Variants in INSRR observed in about 807,000 individuals in gnomAD.
INSRR encodes the protein insulin receptor related receptor, also known as insulin receptor-related protein.
In INSRR, 114 loss-of-function variants were observed where a neutral mutation model predicts 130.0. The observed-to-expected ratio is 0.88, with a 90% confidence interval of 0.75 to 1.02. The LOEUF (loss-of-function observed/expected upper bound fraction) is 1.02, where lower values mean the gene tolerates loss of function less well. Among genes scored for constraint, INSRR ranks in the 50% least tolerant of loss-of-function variants. INSRR has a pLI of 0.00. For missense variants in INSRR, 1,657 were observed against 1,735.2 expected, an observed-to-expected ratio of 0.95 and a Z score of 0.80; for synonymous variants, 674 against 705.2, an observed-to-expected ratio of 0.96 and a Z score of 0.70.
chr1:156,850,759 G>A (rs914558071), intron 5 of INSRR, among the ~76,000 whole-genome samples: 6 of 151,392 alleles, frequency 4.0e-5, no homozygotes, highest in South Asian at 2.1e-4. Flanking sequence ...GTTTCACCAC[G>A]TTGGCCAGGC....
In INSRR at chr1:156,853,747, C is replaced by T; in HGVS notation, c.637+5G>A. The T allele has an allele frequency of 6.3e-7, 1 of 1,592,456 alleles. No individual in the cohort carries two copies. Among genetic ancestry groups the T allele is most frequent in the Non-Finnish European group, 8.6e-7 (1 of 1,164,404 alleles). ...CCTACATTCATGTTCTGTGCCAGTG[C>T]CCACCTCTCTGGCAGTGGCTGGAGG... On this transcript the variant is annotated splice_donor_5th_base_variant and intron_variant, in intron 2 of 21. Coordinates refer to ENST00000368195, the MANE Select transcript of INSRR (RefSeq NM_014215.3).
intron 4 of INSRR, 75 bp downstream of exon 4, chr1:156,851,571 G>A (rs1325012989): frequency 6.2e-7 from 1 of 1,610,422 alleles, no homozygotes; most frequent in Non-Finnish European, 8.5e-7. Context: ...TGCTGAGTTG[G>A]GTCATTGTAA....
chr1:156,853,173 T>G lies in INSRR; in HGVS notation c.637+579A>C, dbSNP rs552646555. ...TCAGTTCTTCATTGATCATCTCCTT[T>G]CTTCTCCTGCTCACCCCCAACCTCA... On this transcript the variant is annotated intron_variant, in intron 2 of 21. Transcript: ENST00000368195. Among the ~76,000 whole-genome samples the G allele has an allele frequency of 2.0e-5, 3 of 152,270 alleles. No individual in the cohort carries two copies. In the South Asian group the frequency reaches 6.2e-4, roughly 32 times the overall value.
chr1:156,845,061 G>A lies in INSRR; in HGVS notation c.2437+15C>T, dbSNP rs1024732408. The A allele has an allele frequency of 6.3e-7, 1 of 1,596,392 alleles. No individual in the cohort carries two copies. Among genetic ancestry groups the A allele is most frequent in the African/African-American group, 1.3e-5 (1 of 74,780 alleles). The stretch of plus-strand genomic sequence containing the variant: ...TCGGTGATGGGGGTAGAAGGTGTGT[G>A]TGTGGATCACCTACTGTGGGGCATG... On this transcript the variant is annotated intron_variant, in intron 12 of 21. Transcript: ENST00000368195.
intron 12 of INSRR, 31 bp from the exon 13 acceptor site, chr1:156,844,874 A>C: frequency 6.2e-7 from 1 of 1,612,584 alleles, no homozygotes; most frequent in Non-Finnish European, 8.5e-7. Context: ...CAGCCGGGCC[A>C]AAAGTGGTTC....
chr1:156,849,034 G>A lies in INSRR; in HGVS notation c.1458C>T (p.Thr486=). The change falls in exon 7 of 22, where the codon ACC becomes ACT. Residue 486 remains threonine, a synonymous_variant. Transcript: ENST00000368195. The stretch of plus-strand genomic sequence containing the variant: ...CCGTCACGTTGGACACGAAGCGCAG[G>A]GTGCGAGTCTGGCCTGGGTGGGGCG... ...NGDRAACQTR[T]LRFVSNVTEA... is the part of the protein sequence containing the mutation. 1 of 1,613,378 alleles carries A rather than the reference G, an allele frequency of 6.2e-7. No individual in the cohort carries two copies. The highest frequency in any genetic ancestry group is 8.5e-7 in the Non-Finnish European group (1 of 1,179,898).
In INSRR at chr1:156,852,048, C is replaced by A; in HGVS notation, c.781G>T (p.Ala261Ser). Residue 261 changes from alanine to serine, a missense_variant, in exon 3 of 22, where the codon GCC (alanine) becomes TCC (serine). Ala to Ser is a moderately conservative substitution (Grantham distance 99). Transcript: ENST00000368195. ...HLYFQGACLW[A>S]CPPGTYQYES... The stretch of plus-strand genomic sequence containing the variant: ...TACTGGTAGGTGCCTGGCGGGCAGG[C>A]CCACAGGCAGGCACCCTGGAAGTAG... 6.2e-7 allele frequency: 1 copy of A among 1,613,516 alleles called. No homozygotes were observed.
chr1:156,848,389 T>C (rs1655084412), intron 7 of INSRR, among the ~76,000 whole-genome samples: 1 of 152,180 alleles, frequency 6.6e-6, no homozygotes, highest in Non-Finnish European at 1.5e-5. Context: ...ATATCTCCTT[T>C]TGATTCCTAA....
chr1:156,849,115 C>T, intron 6 of INSRR, 68 bp from the exon 7 acceptor site: 1 of 1,596,838 alleles, frequency 6.3e-7, no homozygotes, highest in East Asian at 2.2e-5. Flanking sequence ...CCTGACCCCG[C>T]GGCATCCCAT....
At chr1:156,857,633 C>A (rs1251391962) in intron 1 of INSRR, among the ~76,000 whole-genome samples, 1 of 152,136 alleles carries the variant, frequency 6.6e-6, no homozygotes, top group Non-Finnish European at 1.5e-5. Context: ...GACTAGCACC[C>A]TTTAGGGGAC....
rs948495329 is a variant in INSRR at position 156,851,407 on chromosome 1, C to A, written c.1112G>T (p.Ser371Ile). 2 of 1,614,102 alleles carry A rather than the reference C, an allele frequency of 1.2e-6. No individual in the cohort carries two copies. Among genetic ancestry groups the A allele is most frequent in the Admixed American group, 3.3e-5 (2 of 60,026 alleles). Residue 371 changes from serine to isoleucine, a missense_variant, in exon 5 of 22, where the codon AGC becomes ATC. Ser to Ile is a moderately radical substitution (Grantham distance 142). Coordinates refer to ENST00000368195, the MANE Select transcript of INSRR (RefSeq NM_014215.3). ...AGTAATGGTTTCTACCAGCCCCAGGCTGTGCTGCAGCTGTGGCTCCAGGTT... is the reference window on the plus strand; with the variant it reads ...AGTAATGGTTTCTACCAGCCCCAGGATGTGCTGCAGCTGTGGCTCCAGGTT... ...GYNLEPQLQH[S>I]LGLVETITGF...
Position 156,845,737 on chromosome 1 carries a change from C to T in INSRR, c.2056G>A (p.Asp686Asn), listed in dbSNP as rs1362532506. The change falls in exon 10 of 22, where the codon GAC (aspartate) becomes AAC (asparagine). Residue 686 changes from aspartate (D) to asparagine (N), a missense_variant. Physicochemically the swap from Asp to Asn is conservative, Grantham distance 23. Transcript: ENST00000368195. ...DGDPEAEMESDCCPCQHPPPG... is the reference protein window; with the variant it reads ...DGDPEAEMESNCCPCQHPPPG... ...GGTGGGTGCTGGCAAGGGCAGCAGT[C>T]GGACTCCATCTCGGCCTCAGGATCC... 6.2e-7 allele frequency: 1 copy of T among 1,613,618 alleles called. No individual in the cohort carries two copies. The highest frequency in any genetic ancestry group is 1.7e-5 in the Admixed American group (1 of 60,004).
Position 156,854,144 on chromosome 1 carries a change from T to C in INSRR, c.245A>G (p.Tyr82Cys). Residue 82 changes from tyrosine (Y) to cysteine (C), a missense_variant, in exon 2 of 22, where the codon TAC becomes TGC. Tyr to Cys is a radical substitution (Grantham distance 194, BLOSUM62 -2). Coordinates refer to ENST00000368195, the MANE Select transcript of INSRR (RefSeq NM_014215.3). This position sits in a 1 kb window ranked among gnomAD's most constrained non-coding sequence, Gnocchi z 4.2. The part of the protein sequence containing the change: ...SFPRLTQVTD[Y>C]LLLFRVYGLE... Reference sequence around the variant, plus strand: ...TCCGTAGACACGGAAGAGCAGCAGGTAGTCGGTGACCTGGGTGAGGCGAGG... The same window carrying C: ...TCCGTAGACACGGAAGAGCAGCAGGCAGTCGGTGACCTGGGTGAGGCGAGG... 6.2e-7 allele frequency: 1 copy of C among 1,614,112 alleles called. No homozygotes were observed.
chr1:156,851,870 C>G lies in INSRR; in HGVS notation c.941+18G>C. ...TCCTCACTGCTCCCAGGGTGCCCCC[C>G]ACCCTCCCTACACTCACCTGCTGCT... On this transcript the variant is annotated intron_variant, in intron 3 of 21. Transcript: ENST00000368195. 6.3e-7 allele frequency: 1 copy of G among 1,575,020 alleles called. No homozygotes were observed. The highest frequency in any genetic ancestry group is 8.6e-7 in the Non-Finnish European group (1 of 1,156,708).
At position 156,854,405 on chromosome 1, in the gene INSRR, G is replaced by C. The variant is rs1655340056; in HGVS notation, c.86-102C>G. 1.6e-6 allele frequency: 2 copies of C among 1,221,570 alleles called. No individual in the cohort carries two copies. The highest frequency in any genetic ancestry group is 2.6e-5 in the East Asian group (1 of 39,114). 75.7% of individuals were successfully genotyped at this position (1,221,570 alleles called of 1,614,324 possible). ...GGAGCCACACTGGCAGTAGGACAAT[G>C]AGTGAGGAGCCGGGCTCTGCTCTGG... On this transcript the variant is annotated intron_variant, in intron 1 of 21. Coordinates refer to ENST00000368195, the MANE Select transcript of INSRR (RefSeq NM_014215.3). This position sits in a 1 kb window ranked among gnomAD's most constrained non-coding sequence, Gnocchi z 4.2.
intron 17 of INSRR, 45 bp downstream of exon 17, chr1:156,842,959 T>A (rs780270416): frequency 1.4e-6 from 2 of 1,465,030 alleles, no homozygotes; most frequent in Admixed American, 3.4e-5. Flanking sequence ...CCACATGACC[T>A]TTACACTAAT....
chr1:156,843,303 TCTC>T (rs1172135608), intron 16 of INSRR, 70 bp from the exon 17 acceptor site: 4 of 1,570,156 alleles, frequency 2.5e-6, no homozygotes, highest in East Asian at 2.2e-5. Flanking sequence ...CAACTTCTCT[TCTC>T]CTCTTCTGAA....
In INSRR at chr1:156,844,495, T is replaced by C. The variant is rs1654916133; in HGVS notation, c.2704A>G (p.Thr902Ala). 6.2e-7 allele frequency: 1 copy of C among 1,613,970 alleles called. No homozygotes were observed. Residue 902 changes from threonine to alanine, a missense_variant, in exon 14 of 22, where the codon ACA becomes GCA. Transcript: ENST00000368195. ...ATSLAGNGSW[T>A]DSVAFYILGP... is the part of the protein sequence containing the mutation. Reference sequence around the variant, plus strand: ...AGGATGTAGAAGGCAACACTGTCTGTCCAAGAGCCATTGCCAGCCAGTGAG... The same window carrying C: ...AGGATGTAGAAGGCAACACTGTCTGCCCAAGAGCCATTGCCAGCCAGTGAG...
chr1:156,841,835 A>G, intron 19 of INSRR, 41 bp from the exon 20 acceptor site: 3 of 1,614,034 alleles, frequency 1.9e-6, no homozygotes, highest in Non-Finnish European at 2.5e-6. Context: ...GTGGGGCATA[A>G]GAGCCACGCA....
Sources: gnomAD v4.1 joint callset for allele counts (sites outside exome capture counted in the v4.1 genomes callset) on GRCh38, gnomAD v4.1.1 for gene constraint, Gnocchi (gnomAD v3.1) non-coding constraint, MANE v1.5 for transcripts, NCBI Gene and HGNC (gene_info 2026-07-23, HGNC 2026-07-21) for gene names.